Variants in ARHGAP29 observed in about 807,000 individuals in gnomAD.
ARHGAP29 encodes the protein Rho GTPase activating protein 29.
ARHGAP29 carries 43 observed loss-of-function variants against 122.6 expected under a neutral mutation model. That is an observed-to-expected ratio of 0.35 (90% CI 0.27 to 0.45). ARHGAP29 has a LOEUF of 0.45. Among genes scored for constraint, ARHGAP29 ranks in the 20% least tolerant of loss-of-function variants. The probability of loss-of-function intolerance (pLI) is 1.00; values close to 1 mark genes in which losing one functional copy is unlikely to be tolerated. For synonymous variants in ARHGAP29, 506 were observed against 497.1 expected, an observed-to-expected ratio of 1.02 and a Z score of -0.24; for missense variants, 1,303 against 1,477.2, an observed-to-expected ratio of 0.88 and a Z score of 1.93.
intron 7 of ARHGAP29, 109 bp from the exon 8 acceptor site, chr1:94,204,103 T>C (rs569358916): frequency 2.1e-4 from 159 of 743,354 alleles, no homozygotes; most frequent in South Asian, 9.1e-4. Context: ...TCACAAATAC[T>C]AGTGTGTATC....
chr1:94,237,325 G>C (rs1653340691), intron 1 of ARHGAP29, 90 bp downstream of exon 1: 3 of 903,448 alleles, frequency 3.3e-6, no homozygotes, highest in Middle Eastern at 5.6e-4. Flanking sequence ...CCCGGACCCT[G>C]GACGGCAATT....
intron 1 of ARHGAP29, among the ~76,000 whole-genome samples, chr1:94,271,740 C>T (rs1426943169): frequency 6.6e-6 from 1 of 152,206 alleles, no homozygotes; most frequent in East Asian, 1.9e-4. Flanking sequence ...TAGTCTCACT[C>T]ACCATTACTC....
chr1:94,186,118 C>G (rs1412536459), intron 16 of ARHGAP29, among the ~76,000 whole-genome samples: 1 of 152,168 alleles, frequency 6.6e-6, no homozygotes, highest in Non-Finnish European at 1.5e-5. Flanking sequence ...AAGAAGTACA[C>G]TTACTTAGTT....
At chr1:94,299,191 G>A in the ARHGAP29 span, among the ~76,000 whole-genome samples, 3 of 152,156 alleles carry the variant, frequency 2.0e-5, no homozygotes, top group Non-Finnish European at 4.4e-5. Flanking sequence ...TCTCACCACT[G>A]TTTTGATCAG....
chr1:94,260,384 A>G lies in ARHGAP29; in HGVS notation c.-33+14628T>C, dbSNP rs369770718. On this transcript the variant is annotated intron_variant and NMD_transcript_variant, in intron 1 of 25. Coordinates refer to the ARHGAP29 transcript ENST00000552844. Reference sequence around the variant, plus strand: ...TCTCTGCATTGCAGAGGGATTTCTTACACTTTCAATTTTGGAATGCCCATA... The same window carrying G: ...TCTCTGCATTGCAGAGGGATTTCTTGCACTTTCAATTTTGGAATGCCCATA... Among the ~76,000 whole-genome samples, 3 of 152,210 alleles carry G rather than the reference A, an allele frequency of 2.0e-5. No homozygotes were observed. In the South Asian group the frequency reaches 6.2e-4, roughly 32 times the overall value.
rs935924376 is a variant in ARHGAP29 at position 94,171,444 on chromosome 1, T to C, written c.*2425A>G. 6.6e-6 allele frequency among the ~76,000 whole-genome samples: 1 copy of C among 152,034 alleles called. No individual in the cohort carries two copies. Among genetic ancestry groups the C allele is most frequent in the Non-Finnish European group, 1.5e-5 (1 of 68,014 alleles). On this transcript the variant is annotated 3_prime_UTR_variant, in exon 23 of 23. Transcript: ENST00000260526. ...GGACAATACGCATCATCTTGGACAA[T>C]ACGCCTCCCACAAGGCTTCCTGGTG...
Position 94,170,392 on chromosome 1 carries a change from C to G in ARHGAP29, c.*3477G>C, listed in dbSNP as rs1270734288. Among the ~76,000 whole-genome samples the G allele has an allele frequency of 1.3e-5, 2 of 152,134 alleles. No homozygotes were observed. The highest frequency in any genetic ancestry group is 4.8e-5 in the African/African-American group (2 of 41,416). On this transcript the variant is annotated 3_prime_UTR_variant, in exon 23 of 23. Transcript: ENST00000260526. Reference sequence around the variant, plus strand: ...TTTCTACAAACTGGCCAATCCTCCTCAAGTGTCAAGGTCAAAGACAAGTCT... The same window carrying G: ...TTTCTACAAACTGGCCAATCCTCCTGAAGTGTCAAGGTCAAAGACAAGTCT...
rs767720451 is a variant in ARHGAP29 at position 94,189,895 on chromosome 1, G to C, written c.1439+31C>G. On this transcript the variant is annotated intron_variant, in intron 13 of 22. Coordinates refer to ENST00000260526, the MANE Select transcript of ARHGAP29 (RefSeq NM_004815.4). ...TTAACAATTAAGTGTTTTATATTTT[G>C]AAATAATTTTGTCTGTACATTAATT... The C allele has an allele frequency of 3.1e-6, 5 of 1,602,340 alleles. No individual in the cohort carries two copies. In the South Asian group the frequency reaches 3.3e-5, roughly 11 times the overall value.
At chr1:94,306,414 G>A in the ARHGAP29 span, among the ~76,000 whole-genome samples, 2 of 152,200 alleles carry the variant, frequency 1.3e-5, no homozygotes, top group Non-Finnish European at 1.5e-5. Context: ...AACTTTACTT[G>A]CCTAAGTAAG....
intron 1 of ARHGAP29, among the ~76,000 whole-genome samples, chr1:94,253,063 T>C (rs1387051438): frequency 6.6e-6 from 1 of 152,060 alleles, no homozygotes; most frequent in Non-Finnish European, 1.5e-5. Context: ...CTCTGCCTCC[T>C]GGGTTCAAAC....
chr1:94,179,646 TG>T (rs1363299584), intron 20 of ARHGAP29, 78 bp downstream of exon 20: 2 of 929,512 alleles, frequency 2.2e-6, no homozygotes, highest in Non-Finnish European at 1.6e-6. Flanking sequence ...AATTTTGTTA[TG>T]TGGATTTTAC....
intron 12 of ARHGAP29, among the ~76,000 whole-genome samples, chr1:94,197,558 AT>A (rs914023878): frequency 1.1e-3 from 171 of 152,036 alleles, no homozygotes; most frequent in Middle Eastern, 0.01. Flanking sequence ...AGACAAAAAC[AT>A]TTTTTTTAGA....
At chr1:94,239,795 A>T (rs1277543497), upstream of ARHGAP29, among the ~76,000 whole-genome samples, 2 of 152,206 alleles carry the variant, frequency 1.3e-5, no homozygotes, top group Non-Finnish European at 2.9e-5. Flanking sequence ...TACAAACATA[A>T]GAATCCAAGG....
At chr1:94,238,166 T>C (rs1653423986), upstream of ARHGAP29, among the ~76,000 whole-genome samples, 1 of 150,180 alleles carries the variant, frequency 6.7e-6, no homozygotes, top group Admixed American at 6.6e-5. Flanking sequence ...GCTCAATTGA[T>C]TCTCCCACCT....
At chr1:94,177,446 C>A in intron 22 of ARHGAP29, 166 bp downstream of exon 22, 1 of 473,884 alleles carries the variant, frequency 2.1e-6, no homozygotes, top group Non-Finnish European at 3.7e-6. Flanking sequence ...CATTTAAATG[C>A]AAGATACACT....
At chr1:94,199,820 T>C (rs1313599040) in intron 12 of ARHGAP29, among the ~76,000 whole-genome samples, 7 of 152,238 alleles carry the variant, frequency 4.6e-5, no homozygotes, top group African/African-American at 1.4e-4. Flanking sequence ...CCTGTGTGGA[T>C]TGACATGTCC....
intron 1 of ARHGAP29, among the ~76,000 whole-genome samples, chr1:94,262,437 A>G (rs774288435): frequency 1.3e-5 from 2 of 152,224 alleles, no homozygotes; most frequent in Non-Finnish European, 2.9e-5. Context: ...TCTATACAGC[A>G]AAATAAACTA....
chr1:94,251,193 G>T (rs968550124), intron 1 of ARHGAP29, among the ~76,000 whole-genome samples: 1 of 145,798 alleles, frequency 6.9e-6, no homozygotes, highest in African/African-American at 2.6e-5. Context: ...TTTTTTGAGA[G>T]GAAGTCTTGC....
chr1:94,195,064 A>G (rs1375735478), intron 12 of ARHGAP29: 1 of 152,214 alleles, frequency 6.6e-6, no homozygotes, highest in Non-Finnish European at 1.5e-5. Context: ...GGGTTATATA[A>G]AAAGATAAAA....
Sources: gnomAD v4.1 joint callset for allele counts (sites outside exome capture counted in the v4.1 genomes callset) on GRCh38, gnomAD v4.1.1 for gene constraint, MANE v1.5 for transcripts, NCBI Gene and HGNC (gene_info 2026-07-23, HGNC 2026-07-21) for gene names.